INPP4B: variants seen among roughly 807,000 people sequenced by gnomAD.
INPP4B encodes the protein inositol polyphosphate 4-phosphatase type II.
Under a neutral mutation model 122.5 loss-of-function variants are expected in INPP4B, and 55 were observed. That is an observed-to-expected ratio of 0.45 (90% CI 0.36 to 0.56). The LOEUF (loss-of-function observed/expected upper bound fraction) is 0.56. Ranked by LOEUF, INPP4B falls within the 20% of genes least tolerant of loss-of-function variation. The pLI is 0.00. For missense variants in INPP4B, 1,000 were observed against 1,097.7 expected, an observed-to-expected ratio of 0.91 and a Z score of 1.26; for synonymous variants, 403 against 388.7, an observed-to-expected ratio of 1.04 and a Z score of -0.43.
intron 2 of INPP4B, among the ~76,000 whole-genome samples, chr4:142,723,574 C>G (rs1764964578): frequency 1.3e-5 from 2 of 151,992 alleles, no homozygotes; most frequent in South Asian, 4.1e-4. Flanking sequence ...TTAAAAGAGT[C>G]AAATGTAGAA....
chr4:142,535,759 CT>C (rs35633678), intron 2 of INPP4B, among the ~76,000 whole-genome samples: 56,181 of 151,408 alleles, frequency 0.37, 12,190 homozygotes, highest in Non-Finnish European at 0.51. Flanking sequence ...TCATCATTCT[CT>C]TTTTTTTTCC....
intron 25 of INPP4B, among the ~76,000 whole-genome samples, chr4:142,033,450 A>G (rs566202856): frequency 6.6e-6 from 1 of 152,226 alleles, no homozygotes; most frequent in East Asian, 1.9e-4. Flanking sequence ...AGGGGAAAAA[A>G]GCAGCAAGCC....
chr4:142,738,742 A>G lies in INPP4B; in HGVS notation c.-253-12841T>C, dbSNP rs1030544256. Reference sequence around the variant, plus strand: ...ATGCCATCAGTTGGAAATAATATACAGAACTGACATACTTTAGCTCCAGTG... The same window carrying G: ...ATGCCATCAGTTGGAAATAATATACGGAACTGACATACTTTAGCTCCAGTG... On this transcript the variant is annotated intron_variant, in intron 1 of 25. Transcript: ENST00000262992. Among the ~76,000 whole-genome samples the G allele has an allele frequency of 8.5e-5, 13 of 152,160 alleles. 1 individual carries two copies. Among genetic ancestry groups the G allele is most frequent in the African/African-American group, 3.1e-4 (13 of 41,450 alleles).
At chr4:142,280,488 G>T (rs1283955225) in intron 9 of INPP4B, among the ~76,000 whole-genome samples, 2 of 151,844 alleles carry the variant, frequency 1.3e-5, no homozygotes, top group African/African-American at 4.8e-5. Flanking sequence ...TCTCAAAAAG[G>T]AATAGCTATT....
At chr4:142,440,043 A>G (rs1811355901) in intron 3 of INPP4B, among the ~76,000 whole-genome samples, 3 of 152,212 alleles carry the variant, frequency 2.0e-5, no homozygotes. Context: ...TAACTCTGTC[A>G]GAACGTAAAT....
intron 3 of INPP4B, among the ~76,000 whole-genome samples, chr4:142,450,609 C>A (rs900614937): frequency 3.3e-5 from 5 of 152,176 alleles, no homozygotes; most frequent in Non-Finnish European, 7.3e-5. Flanking sequence ...ACAGTAGCCA[C>A]AATTTTCTGA....
intron 2 of INPP4B, among the ~76,000 whole-genome samples, chr4:142,522,742 G>T (rs1826265728): frequency 6.6e-6 from 1 of 152,050 alleles, no homozygotes; most frequent in Non-Finnish European, 1.5e-5. Context: ...TTTCATGTCA[G>T]ACTGACCTTC....
At chr4:142,035,400 CT>C (rs1396491147) in intron 25 of INPP4B, among the ~76,000 whole-genome samples, 1 of 152,074 alleles carries the variant, frequency 6.6e-6, no homozygotes, top group East Asian at 1.9e-4. Context: ...TTTTGTGCAC[CT>C]ACGTTGGCAC....
At chr4:142,491,957 C>T (rs747364017) in intron 2 of INPP4B, among the ~76,000 whole-genome samples, 26 of 151,986 alleles carry the variant, frequency 1.7e-4, no homozygotes, top group Admixed American at 4.6e-4. Flanking sequence ...GTGTCCCCAC[C>T]CAAATCTCAT....
chr4:142,299,073 G>A (rs1302243313), intron 9 of INPP4B, among the ~76,000 whole-genome samples: 2 of 151,936 alleles, frequency 1.3e-5, no homozygotes, highest in African/African-American at 4.8e-5. Flanking sequence ...TTGCTCATAT[G>A]TGTGTGCCTG....
At chr4:142,539,570 T>A (rs1250976631) in intron 2 of INPP4B, among the ~76,000 whole-genome samples, 1 of 152,026 alleles carries the variant, frequency 6.6e-6, no homozygotes, top group Admixed American at 6.6e-5. Flanking sequence ...TTATACTGAA[T>A]CTTGCTGTTG....
chr4:142,745,283 A>G (rs558131685), intron 1 of INPP4B, among the ~76,000 whole-genome samples: 10 of 152,040 alleles, frequency 6.6e-5, no homozygotes, highest in African/African-American at 2.4e-4. Context: ...ACAAAAGGAA[A>G]ACAAATGGGA....
At chr4:142,213,087 A>C (rs1163273280) in intron 12 of INPP4B, among the ~76,000 whole-genome samples, 1 of 152,156 alleles carries the variant, frequency 6.6e-6, no homozygotes, top group Non-Finnish European at 1.5e-5. Context: ...CCCTTAGTAG[A>C]AGCAATATTA....
chr4:142,181,553 T>C (rs1469048468), intron 15 of INPP4B, among the ~76,000 whole-genome samples: 1 of 152,210 alleles, frequency 6.6e-6, no homozygotes, highest in African/African-American at 2.4e-5. Flanking sequence ...CATTCAGCTC[T>C]ACATACCTCA....
intron 1 of INPP4B, among the ~76,000 whole-genome samples, chr4:142,755,699 CAT>C (rs1478722649): frequency 3.9e-5 from 6 of 151,942 alleles, no homozygotes; most frequent in Non-Finnish European, 7.4e-5. Flanking sequence ...AATAAAATAA[CAT>C]GTGATCAGTA....
chr4:142,686,622 A>T (rs1469168247), intron 2 of INPP4B, among the ~76,000 whole-genome samples: 1 of 152,128 alleles, frequency 6.6e-6, no homozygotes, highest in Non-Finnish European at 1.5e-5. Context: ...AATCATTCTG[A>T]ACTTGAACAT....
In INPP4B at chr4:142,112,528, A is replaced by G. The variant is rs1344795663; in HGVS notation, c.2276+14T>C. The G allele has an allele frequency of 6.2e-7, 1 of 1,612,140 alleles. No homozygotes were observed. The highest frequency in any genetic ancestry group is 2.2e-5 in the East Asian group (1 of 44,702). On this transcript the variant is annotated intron_variant, in intron 22 of 25. Coordinates refer to ENST00000262992, the MANE Select transcript of INPP4B (RefSeq NM_001101669.3). ...AAGAAAAATCTCAAGTGCGACTCTT[A>G]CACCAAAGCTTACCTTTCAGCCAGA...
chr4:142,249,375 A>T (rs1579443951), intron 11 of INPP4B, among the ~76,000 whole-genome samples: 1 of 152,228 alleles, frequency 6.6e-6, no homozygotes, highest in South Asian at 2.1e-4. Flanking sequence ...TTTACCAAAA[A>T]AAGAGAGAAT....
At chr4:142,459,807 A>G (rs1369172347) in intron 3 of INPP4B, among the ~76,000 whole-genome samples, 1 of 152,226 alleles carries the variant, frequency 6.6e-6, no homozygotes, top group African/African-American at 2.4e-5. Context: ...TTGAGCATCT[A>G]TCAAGCTTAG....
Sources: allele counts gnomAD v4.1 joint callset (sites outside exome capture counted in the v4.1 genomes callset), GRCh38; gene constraint gnomAD v4.1.1; transcripts MANE v1.5; gene names NCBI Gene and HGNC (gene_info 2026-07-23, HGNC 2026-07-21).